B4GALNT2: variants seen among roughly 807,000 people sequenced by gnomAD.
B4GALNT2 encodes N-acetylneuraminylgalactosylglucosyl-glucoside beta-1,4-N- acetylgalactosaminyltransferase 2.
In B4GALNT2, 42 loss-of-function variants were observed where a neutral mutation model predicts 51.1. The observed-to-expected ratio is 0.82, with a 90% CI of 0.64 to 1.06. The LOEUF is 1.06. B4GALNT2 is among the 50% of genes least tolerant of loss of function. The pLI, the probability that B4GALNT2 is intolerant of heterozygous loss-of-function variation, is 0.00. For synonymous variants in B4GALNT2, 253 were observed against 251.7 expected, an observed-to-expected ratio of 1.01 and a Z score of -0.05; for missense variants, 602 against 633.6, an observed-to-expected ratio of 0.95 and a Z score of 0.54.
At chr17:49,133,520 T>C (rs1451802217) in intron 1 of B4GALNT2, among the ~76,000 whole-genome samples, 1 of 152,182 alleles carries the variant, frequency 6.6e-6, no homozygotes, top group African/African-American at 2.4e-5. Flanking sequence ...TTTGTTTGTA[T>C]TTTCCAAAAC....
the B4GALNT2 span, among the ~76,000 whole-genome samples, chr17:49,120,464 TTG>T: frequency 2.5e-3 from 354 of 142,142 alleles, no homozygotes; most frequent in African/African-American, 8.8e-3. Flanking sequence ...GAGGAGTCTT[TTG>T]TGTGTGTGTG....
intron 5 of B4GALNT2, 113 bp from the exon 6 acceptor site, chr17:49,158,923 TC>T: frequency 8.1e-7 from 1 of 1,240,274 alleles, no homozygotes; most frequent in Non-Finnish European, 1.1e-6. Context: ...CTGGTGCTTC[TC>T]CCCTCACCCT....
At chr17:49,129,712 G>GGT (rs61199841), upstream of B4GALNT2, among the ~76,000 whole-genome samples, 4 of 150,554 alleles carry the variant, frequency 2.7e-5, no homozygotes, top group Non-Finnish European at 4.4e-5. Flanking sequence ...ATTTCTGTGT[G>GGT]GGGGGGGAAG....
rs1213355884 is a variant in B4GALNT2, at chr17:49,172,819, G to C, written c.*3091G>C. 1.3e-5 allele frequency: 2 copies of C among 152,122 alleles called. No individual in the cohort carries two copies. Among genetic ancestry groups the C allele is most frequent in the East Asian group, 1.9e-4 (1 of 5,194 alleles). 9.4% of individuals were successfully genotyped at this position (152,122 alleles called of 1,614,324 possible). A position where few individuals can be genotyped will look rare whatever the true frequency, so the allele number is the denominator to read the frequency against. ...CTGATTGGCATGTAGCCCAGACAAA[G>C]TGAGAAAAGGTGTCCACACATACAT... is the stretch of plus-strand genomic sequence containing the variant. On this transcript the variant is annotated 3_prime_UTR_variant, in exon 11 of 11. Transcript: ENST00000393354.
At chr17:49,143,677 A>G (rs1474270286) in intron 3 of B4GALNT2, among the ~76,000 whole-genome samples, 3 of 152,254 alleles carry the variant, frequency 2.0e-5, no homozygotes, top group Non-Finnish European at 4.4e-5. Flanking sequence ...TGGGTAATTT[A>G]TAAAGAAAAG....
chr17:49,141,466 T>C lies in B4GALNT2; in HGVS notation c.215+19T>C. On this transcript the variant is annotated intron_variant, in intron 2 of 10. Transcript: ENST00000393354. Reference sequence around the variant, plus strand: ...GAATCTGGTGAGAGACTGCGTGTTCTTTCTTTCACCTTAATGCACACATCT... The same window carrying C: ...GAATCTGGTGAGAGACTGCGTGTTCCTTCTTTCACCTTAATGCACACATCT... 6.2e-7 allele frequency: 1 copy of C among 1,609,124 alleles called. No homozygotes were observed. Among genetic ancestry groups the C allele is most frequent in the Non-Finnish European group, 8.5e-7 (1 of 1,176,166 alleles).
chr17:49,162,399 CATCA>C (rs2042873133), intron 7 of B4GALNT2, among the ~76,000 whole-genome samples: 1 of 152,116 alleles, frequency 6.6e-6, no homozygotes, highest in African/African-American at 2.4e-5. Context: ...ACTACTTTCA[CATCA>C]AAAGGTTTTG....
intron 3 of B4GALNT2, among the ~76,000 whole-genome samples, chr17:49,142,396 A>G (rs1304061164): frequency 6.6e-6 from 1 of 152,190 alleles, no homozygotes; most frequent in Non-Finnish European, 1.5e-5. Context: ...AACAACAACA[A>G]CAACAACAAA....
At chr17:49,166,365 G>A (rs1437612742) in intron 9 of B4GALNT2, 111 bp downstream of exon 9, 5 of 280,022 alleles carry the variant, frequency 1.8e-5, no homozygotes, top group African/African-American at 2.4e-5. Context: ...GGAGGGGAGG[G>A]AGGGGAGGGA....
In B4GALNT2 at chr17:49,163,984, G is replaced by A. The variant is rs554068083; in HGVS notation, c.767-104G>A. ...GGGTACAAGAGGCATGAGACCCACA[G>A]ACACTGACAGGTTATGGCAGAAAGA... On this transcript the variant is annotated intron_variant, in intron 7 of 10. Coordinates refer to ENST00000393354, the MANE Select transcript of B4GALNT2 (RefSeq NM_001159387.2). The A allele has an allele frequency of 2.4e-5, 28 of 1,145,846 alleles. No homozygotes were observed. In the East Asian group the frequency reaches 6.6e-4, roughly 27 times the overall value. The allele number at this position is 1,145,846 out of a possible 1,614,324, so 71.0% of individuals were successfully genotyped here.
chr17:49,166,306 G>A lies in B4GALNT2; in HGVS notation c.1095+52G>A, dbSNP rs552201718. The A allele has an allele frequency of 1.9e-5, 28 of 1,473,996 alleles. No homozygotes were observed. In the Middle Eastern group the frequency reaches 8.8e-4, roughly 46 times the overall value. The allele number at this position is 1,473,996 out of a possible 1,614,324, so 91.3% of individuals were successfully genotyped here. ...AGCCACAATCTGTAGAGATGGAGAAGAGGGGAGAAGAGAGCGGGAAGAAAT... is the reference window on the plus strand; with the variant it reads ...AGCCACAATCTGTAGAGATGGAGAAAAGGGGAGAAGAGAGCGGGAAGAAAT... On this transcript the variant is annotated intron_variant, in intron 9 of 10. Transcript: ENST00000393354.
At position 49,156,454 on chromosome 17, in the gene B4GALNT2, C is replaced by T. The variant is rs960960231; in HGVS notation, c.461-112C>T. 5 of 1,147,096 alleles carry T rather than the reference C, an allele frequency of 4.4e-6. No homozygotes were observed. In the African/African-American group the frequency reaches 7.7e-5, roughly 18 times the overall value. 71.1% of individuals were successfully genotyped at this position (1,147,096 alleles called of 1,614,324 possible). On this transcript the variant is annotated intron_variant, in intron 4 of 10. Coordinates refer to ENST00000393354, the MANE Select transcript of B4GALNT2 (RefSeq NM_001159387.2). ...AGCAAACACTCTGGGCGGGAGGTGA[C>T]ACTTGAAGGAGCTCTCAAGGATGTG...
In B4GALNT2 at chr17:49,140,084, A is replaced by G. The variant is rs888726317; in HGVS notation, c.15-1163A>G. On this transcript the variant is annotated intron_variant, in intron 1 of 10. Transcript: ENST00000393354. ...ATAATTTATAATAACCACGTGAATAAAAGCAAAACAGGATTTTCTTTCTTT... is the reference window on the plus strand; with the variant it reads ...ATAATTTATAATAACCACGTGAATAGAAGCAAAACAGGATTTTCTTTCTTT... Among the ~76,000 whole-genome samples, 57 of 149,936 alleles carry G rather than the reference A, an allele frequency of 3.8e-4. 1 individual carries two copies. Among genetic ancestry groups the G allele is most frequent in the Non-Finnish European group, 6.2e-4 (42 of 67,558 alleles).
chr17:49,143,418 G>T (rs555188141), intron 3 of B4GALNT2, among the ~76,000 whole-genome samples: 1 of 152,306 alleles, frequency 6.6e-6, no homozygotes, highest in East Asian at 1.9e-4. Context: ...GGATGTCCAG[G>T]CTAGGAAATC....
intron 1 of B4GALNT2, among the ~76,000 whole-genome samples, chr17:49,141,023 CT>C (rs376685441): frequency 0.028 from 4,072 of 145,870 alleles, 92 homozygotes; most frequent in Non-Finnish European, 0.04. Context: ...AGCCTCTAAC[CT>C]TTTTTTTTTT....
At chr17:49,153,306 T>A (rs996116492) in intron 4 of B4GALNT2, among the ~76,000 whole-genome samples, 1 of 151,950 alleles carries the variant, frequency 6.6e-6, no homozygotes, top group African/African-American at 2.4e-5. Flanking sequence ...TCCCAACTAC[T>A]TGTGGGGTTG....
intron 1 of B4GALNT2, among the ~76,000 whole-genome samples, chr17:49,134,738 C>T (rs986186668): frequency 3.3e-5 from 5 of 152,182 alleles, no homozygotes; most frequent in Non-Finnish European, 7.3e-5. Flanking sequence ...CAGGCGCACG[C>T]CACCACGCCC....
chr17:49,122,735 C>T, the B4GALNT2 span, among the ~76,000 whole-genome samples: 1 of 152,092 alleles, frequency 6.6e-6, no homozygotes, highest in African/African-American at 2.4e-5. Flanking sequence ...TGGAAAGGCC[C>T]GTGTGTTACT....
Position 49,169,661 on chromosome 17 carries a change from C to T in B4GALNT2, c.1454C>T (p.Thr485Ile). 6.2e-7 allele frequency: 1 copy of T among 1,610,270 alleles called. No individual in the cohort carries two copies. Among genetic ancestry groups the T allele is most frequent in the Non-Finnish European group, 8.5e-7 (1 of 1,177,476 alleles). ...ACCTACAATACATACCGGTCCAACA[C>T]CCTCACCCGGGTCCAGTTCAAGCTG... Reference protein sequence around the residue: ...EKTYNTYRSNTLTRVQFKLAL... With the variant: ...EKTYNTYRSNILTRVQFKLAL... The change falls in exon 11 of 11, where the codon ACC becomes ATC. Residue 485 changes from threonine (T) to isoleucine (I), a missense_variant. Physicochemically the swap from Thr to Ile is moderately conservative, Grantham distance 89. Coordinates refer to ENST00000393354, the MANE Select transcript of B4GALNT2 (RefSeq NM_001159387.2).
Sources: allele counts gnomAD v4.1 joint callset (sites outside exome capture counted in the v4.1 genomes callset), GRCh38; gene constraint gnomAD v4.1.1; transcripts MANE v1.5; gene names NCBI Gene and HGNC (gene_info 2026-07-23, HGNC 2026-07-21).